BCL9: variants seen among roughly 807,000 people sequenced by gnomAD.
The protein encoded by BCL9 is B-cell CLL/lymphoma 9 protein.
A neutral mutation model predicts 88.5 loss-of-function variants in BCL9; 25 were observed. That is an observed-to-expected ratio of 0.28 (90% confidence interval 0.21 to 0.39). BCL9 has a LOEUF of 0.39. Ranked by LOEUF, BCL9 falls within the 10% of genes least tolerant of loss-of-function variation. The pLI is 1.00. For missense variants in BCL9, 1,817 were observed against 1,877.8 expected, an observed-to-expected ratio of 0.97 and a Z score of 0.60; for synonymous variants, 711 against 673.3, an observed-to-expected ratio of 1.06 and a Z score of -0.87.
At chr1:147,578,995 A>G (rs1229455335) in intron 1 of BCL9, among the ~76,000 whole-genome samples, 1 of 151,932 alleles carries the variant, frequency 6.6e-6, no homozygotes, top group Non-Finnish European at 1.5e-5. Flanking sequence ...TCTCCCAAGC[A>G]GCTGGGATTA....
At chr1:147,577,909 G>C (rs1221484106) in intron 1 of BCL9, among the ~76,000 whole-genome samples, 1 of 151,596 alleles carries the variant, frequency 6.6e-6, no homozygotes, top group African/African-American at 2.4e-5. Flanking sequence ...GAATGAATGT[G>C]GCTATAATTG....
rs587616013 is a variant in BCL9, at chr1:147,566,521, C to A, written c.-478+24847C>A. Among the ~76,000 whole-genome samples the A allele has an allele frequency of 2.0e-4, 30 of 152,102 alleles. 1 individual carries two copies. The South Asian group carries it at 6.2e-3, about 32-fold the overall frequency. On this transcript the variant is annotated intron_variant, in intron 1 of 9. Transcript: ENST00000234739. ...CTGTATTCCCAGCACTTTGGGGAGG[C>A]CGAGGCAGGCGGATCACGAGGTCCG...
chr1:147,612,298 GTAGT>G (rs1424360886), intron 4 of BCL9, among the ~76,000 whole-genome samples: 3 of 152,208 alleles, frequency 2.0e-5, no homozygotes, highest in Non-Finnish European at 2.9e-5. Flanking sequence ...CGGTTTCACA[GTAGT>G]TAAATTGTTA....
intron 1 of BCL9, among the ~76,000 whole-genome samples, chr1:147,596,406 T>TTC (rs2101580625): frequency 5.2e-3 from 2 of 386 alleles, no homozygotes; most frequent in East Asian, 0.059. Context: ...GACTTTCTTT[T>TTC]TTTTCTTTTC....
intron 1 of BCL9, among the ~76,000 whole-genome samples, chr1:147,546,793 A>G (rs782199064): frequency 6.6e-6 from 1 of 152,246 alleles, no homozygotes; most frequent in Non-Finnish European, 1.5e-5. Context: ...GAAAAGCTCA[A>G]TGGGAAAAAG....
rs1016230475 is a variant in BCL9, at chr1:147,611,781, G to A, written c.-56G>A. On this transcript the variant is annotated 5_prime_UTR_variant, in exon 4 of 10. Transcript: ENST00000234739. ...CCAGCAGCTGTTTCTGCTGCAACCCGAGAGGAACTCGGTGAGCCTGTCCCG... is the reference window on the plus strand; with the variant it reads ...CCAGCAGCTGTTTCTGCTGCAACCCAAGAGGAACTCGGTGAGCCTGTCCCG... 26 of 1,573,216 alleles carry A rather than the reference G, an allele frequency of 1.7e-5. No individual in the cohort carries two copies. The highest frequency in any genetic ancestry group is 3.3e-5 in the Admixed American group (2 of 59,926).
At chr1:147,615,149 C>T (rs1230042264) in intron 6 of BCL9, among the ~76,000 whole-genome samples, 2 of 152,124 alleles carry the variant, frequency 1.3e-5, no homozygotes, top group African/African-American at 4.8e-5. Flanking sequence ...CCATATATAC[C>T]TCTTTTAAAC....
intron 1 of BCL9, among the ~76,000 whole-genome samples, chr1:147,571,519 A>T (rs79470526): frequency 0.048 from 7,301 of 152,212 alleles, 219 homozygotes; most frequent in Non-Finnish European, 0.055. Flanking sequence ...AGCTCAATGA[A>T]CTGGGAATTT....
chr1:147,616,733 C>T (rs913919451), intron 7 of BCL9, among the ~76,000 whole-genome samples: 3 of 151,058 alleles, frequency 2.0e-5, no homozygotes, highest in Non-Finnish European at 4.4e-5. Context: ...TGCCACTGCA[C>T]TGCACTCCAG....
chr1:147,584,904 G>T (rs1288816751), intron 1 of BCL9, among the ~76,000 whole-genome samples: 1 of 152,158 alleles, frequency 6.6e-6, no homozygotes, highest in African/African-American at 2.4e-5. Flanking sequence ...GGTGACAAAG[G>T]CTCTATTTGT....
chr1:147,558,043 C>T (rs1553195647), intron 1 of BCL9, among the ~76,000 whole-genome samples: 1 of 152,110 alleles, frequency 6.6e-6, no homozygotes, highest in Non-Finnish European at 1.5e-5. Flanking sequence ...CCCAGTCAAA[C>T]TGTATGTATA....
In BCL9 at chr1:147,620,693, G is replaced by T; in HGVS notation, c.2538G>T (p.Leu846Phe). 2 of 1,614,182 alleles carry T rather than the reference G, an allele frequency of 1.2e-6. No homozygotes were observed. The highest frequency in any genetic ancestry group is 1.7e-6 in the Non-Finnish European group (2 of 1,180,042). Residue 846 changes from leucine to phenylalanine, a missense_variant, in exon 8 of 10, where the codon TTG becomes TTT. Coordinates refer to ENST00000234739, the MANE Select transcript of BCL9 (RefSeq NM_004326.4). Reference sequence around the variant, plus strand: ...AGCGCGGCCTGGGGCGGAAGCCCTTGGATATATCTGTGGCAGGCAGCCAGG... The same window carrying T: ...AGCGCGGCCTGGGGCGGAAGCCCTTTGATATATCTGTGGCAGGCAGCCAGG... ...PVQRGLGRKP[L>F]DISVAGSQVH...
At chr1:147,596,540 G>A (rs1479196721) in intron 1 of BCL9, among the ~76,000 whole-genome samples, 2 of 150,652 alleles carry the variant, frequency 1.3e-5, no homozygotes, top group Non-Finnish European at 3.0e-5. Context: ...CAGGCTCCCG[G>A]GTAGCTGGGA....
chr1:147,593,269 A>G (rs587603430), intron 1 of BCL9, among the ~76,000 whole-genome samples: 2 of 152,222 alleles, frequency 1.3e-5, no homozygotes, highest in East Asian at 3.9e-4. Context: ...TGTATCTCCT[A>G]TGATTGCTGA....
chr1:147,595,149 C>T (rs587746754), intron 1 of BCL9, among the ~76,000 whole-genome samples: 1 of 152,326 alleles, frequency 6.6e-6, no homozygotes, highest in African/African-American at 2.4e-5. Flanking sequence ...TCAGCATCAT[C>T]ACCTTAATTT....
At chr1:147,582,153 T>C (rs924321933) in intron 1 of BCL9, among the ~76,000 whole-genome samples, 7 of 152,264 alleles carry the variant, frequency 4.6e-5, no homozygotes, top group South Asian at 2.1e-4. Flanking sequence ...GCATTTTGTA[T>C]CTTACTGTTT....
chr1:147,564,695 G>A (rs113794721), intron 1 of BCL9, among the ~76,000 whole-genome samples: 7 of 152,226 alleles, frequency 4.6e-5, no homozygotes, highest in African/African-American at 9.6e-5. Context: ...ATTACAAAAC[G>A]AGGGTCTATC....
intron 1 of BCL9, among the ~76,000 whole-genome samples, chr1:147,542,773 T>C (rs1553193925): frequency 6.6e-6 from 1 of 152,174 alleles, no homozygotes; most frequent in African/African-American, 2.4e-5. Flanking sequence ...GTACGTATTT[T>C]TGTTTTAAAG....
intron 1 of BCL9, among the ~76,000 whole-genome samples, chr1:147,547,537 G>A (rs967909643): frequency 1.3e-5 from 2 of 151,990 alleles, no homozygotes; most frequent in Non-Finnish European, 2.9e-5. Flanking sequence ...TTAGTTTTAC[G>A]TTTTCTCATC....
Sources: allele counts gnomAD v4.1 joint callset (sites outside exome capture counted in the v4.1 genomes callset), GRCh38; gene constraint gnomAD v4.1.1; transcripts MANE v1.5; gene names NCBI Gene and HGNC (gene_info 2026-07-23, HGNC 2026-07-21).